Variants in KANSL1L observed in about 807,000 individuals in gnomAD.
KANSL1L encodes KAT8 regulatory NSL complex subunit 1 like.
Under a neutral mutation model 108.6 loss-of-function variants are expected in KANSL1L, and 25 were observed. That is an observed-to-expected ratio of 0.23 (90% CI 0.17 to 0.32). KANSL1L has a LOEUF of 0.32. KANSL1L is among the 10% of genes least tolerant of loss of function. KANSL1L has a pLI of 1.00. For synonymous variants in KANSL1L, 405 were observed against 395.1 expected (o/e 1.03, Z -0.30); for missense variants, 1,137 against 1,125.7 (o/e 1.01, Z -0.14).
chr2:210,037,343 T>C (rs941574129), intron 8 of KANSL1L, among the ~76,000 whole-genome samples: 10 of 152,216 alleles, frequency 6.6e-5, no homozygotes, highest in African/African-American at 2.2e-4. Flanking sequence ...ATAATGATAA[T>C]GCTATTAGAG....
chr2:210,157,691 G>GAAAAAAAAAA (rs56676129), intron 1 of KANSL1L, among the ~76,000 whole-genome samples: 9 of 47,210 alleles, frequency 1.9e-4, no homozygotes, highest in African/African-American at 3.0e-4. Flanking sequence ...CACTGTCACA[G>GAAAAAAAAAA]AAAAAAAAAA....
chr2:210,079,642 A>ATATATATATATATATATGTATGTG (rs2094569581), intron 5 of KANSL1L, among the ~76,000 whole-genome samples: 3 of 6,484 alleles, frequency 4.6e-4, no homozygotes, highest in African/African-American at 6.5e-4. Context: ...ATATATATAT[A>ATATATATATATATATATGTATGTG]TATATATATA....
chr2:210,155,997 T>C (rs753772126), intron 1 of KANSL1L, among the ~76,000 whole-genome samples: 1 of 152,124 alleles, frequency 6.6e-6, no homozygotes, highest in Non-Finnish European at 1.5e-5. Flanking sequence ...ACAATTTCTA[T>C]GTAATTAAAA....
intron 13 of KANSL1L, among the ~76,000 whole-genome samples, chr2:210,024,474 A>G (rs2093907638): frequency 1.3e-5 from 2 of 152,104 alleles, no homozygotes; most frequent in Admixed American, 1.3e-4. Context: ...TTGTCTGACT[A>G]ATTAAATGAA....
intron 2 of KANSL1L, 49 bp downstream of exon 2, chr2:210,153,446 G>A (rs763514969): frequency 1.5e-5 from 20 of 1,376,074 alleles, no homozygotes; most frequent in Admixed American, 1.9e-5. Context: ...TAAGATAATT[G>A]CTGCTATATA....
At chr2:210,130,528 T>C (rs2095110498) in intron 2 of KANSL1L, among the ~76,000 whole-genome samples, 2 of 152,192 alleles carry the variant, frequency 1.3e-5, no homozygotes, top group African/African-American at 2.4e-5. Flanking sequence ...AAGGCCACTG[T>C]TTTTAAGGAT....
At chr2:210,084,856 C>T (rs2094623135) in intron 5 of KANSL1L, among the ~76,000 whole-genome samples, 2 of 152,188 alleles carry the variant, frequency 1.3e-5, no homozygotes, top group African/African-American at 4.8e-5. Context: ...ATGATCCACC[C>T]GCCTCGGCCT....
At chr2:210,136,092 G>T (rs2095171332) in intron 2 of KANSL1L, among the ~76,000 whole-genome samples, 1 of 152,106 alleles carries the variant, frequency 6.6e-6, no homozygotes, top group African/African-American at 2.4e-5. Context: ...ATCTGAGGTT[G>T]GAACTTAAAA....
chr2:210,034,435 T>C (rs1311011606), intron 8 of KANSL1L, among the ~76,000 whole-genome samples: 1 of 152,122 alleles, frequency 6.6e-6, no homozygotes, highest in East Asian at 1.9e-4. Context: ...ACTGAACAGC[T>C]ATGTACTGTA....
chr2:210,096,965 A>G (rs1169097396), intron 5 of KANSL1L: 1 of 241,106 alleles, frequency 4.1e-6, no homozygotes, highest in Non-Finnish European at 6.7e-6. Flanking sequence ...TTTTTTGGAG[A>G]CAGAGTCTTG....
chr2:210,114,720 A>G (rs369220820), intron 3 of KANSL1L, among the ~76,000 whole-genome samples: 1 of 152,096 alleles, frequency 6.6e-6, no homozygotes, highest in East Asian at 1.9e-4. Flanking sequence ...AGAAACTAAT[A>G]TATTTAAAAT....
chr2:210,135,734 A>G (rs564701047), intron 2 of KANSL1L, among the ~76,000 whole-genome samples: 1 of 152,312 alleles, frequency 6.6e-6, no homozygotes, highest in South Asian at 2.1e-4. Flanking sequence ...AGAGAAAAAT[A>G]AATTCTATAT....
At chr2:210,057,466 C>G (rs772333385) in intron 6 of KANSL1L, among the ~76,000 whole-genome samples, 1 of 152,154 alleles carries the variant, frequency 6.6e-6, no homozygotes, top group Non-Finnish European at 1.5e-5. Flanking sequence ...CTTTGGGAGG[C>G]TGAGACAGGC....
At chr2:210,059,553 C>T (rs1337227251) in intron 6 of KANSL1L, among the ~76,000 whole-genome samples, 1 of 152,150 alleles carries the variant, frequency 6.6e-6, no homozygotes, top group East Asian at 1.9e-4. Context: ...AATTTATCTG[C>T]AATTATATAA....
chr2:210,064,154 C>T (rs1295554690), intron 6 of KANSL1L: 1 of 152,228 alleles, frequency 6.6e-6, no homozygotes, highest in Non-Finnish European at 1.5e-5. Flanking sequence ...TAAGACATGA[C>T]TTGCTCCTCC....
chr2:210,076,050 T>C (rs2094539925), intron 5 of KANSL1L, among the ~76,000 whole-genome samples: 1 of 152,216 alleles, frequency 6.6e-6, no homozygotes, highest in Non-Finnish European at 1.5e-5. Context: ...TGTAAAACAA[T>C]AATTCATGTC....
chr2:210,150,825 A>T (rs143488058), intron 2 of KANSL1L, among the ~76,000 whole-genome samples: 148 of 152,082 alleles, frequency 9.7e-4, no homozygotes, highest in Non-Finnish European at 1.9e-3. Flanking sequence ...AAAAGAAATT[A>T]TCAGAAAGTG....
At chr2:210,050,693 G>GAAAAAAAAAAAAAAAAAAAAAAAAAAAA (rs1169870752) in intron 6 of KANSL1L, among the ~76,000 whole-genome samples, 1 of 53,456 alleles carries the variant, frequency 1.9e-5, no homozygotes. Context: ...CATCTCTACA[G>GAAAAAAAAAAAAAAAAAAAAAAAAAAAA]AAAAAAAAAA....
chr2:210,142,431 T>C (rs2125596284), intron 2 of KANSL1L, among the ~76,000 whole-genome samples: 1 of 152,192 alleles, frequency 6.6e-6, no homozygotes, highest in East Asian at 1.9e-4. Context: ...GCTTATCTTT[T>C]CAAAAAAACC....
Sources: gnomAD v4.1 joint callset for allele counts (sites outside exome capture counted in the v4.1 genomes callset) on GRCh38, gnomAD v4.1.1 for gene constraint, MANE v1.5 for transcripts, NCBI Gene and HGNC (gene_info 2026-07-23, HGNC 2026-07-21) for gene names.